The following TBC1D22A variants were observed in gnomAD, a reference collection of about 807,000 sequenced individuals.
TBC1D22A encodes putative GTPase activator.
In TBC1D22A, 38 loss-of-function variants were observed where a neutral mutation model predicts 60.2. That is an observed-to-expected ratio of 0.63 (90% confidence interval 0.49 to 0.83). The LOEUF is 0.83. TBC1D22A is among the 40% of genes least tolerant of loss of function. TBC1D22A has a pLI of 0.00. For synonymous variants in TBC1D22A, 302 were observed against 281.7 expected (o/e 1.07, Z -0.72); for missense variants, 628 against 701.0 (o/e 0.90, Z 1.18).
At chr22:47,003,744 TACAC>T (rs371399551) in intron 10 of TBC1D22A, among the ~76,000 whole-genome samples, 1 of 75,256 alleles carries the variant, frequency 1.3e-5, no homozygotes, top group Non-Finnish European at 3.0e-5. Flanking sequence ...CACATGCCTG[TACAC>T]ACACACCGTA....
intron 1 of TBC1D22A, among the ~76,000 whole-genome samples, chr22:46,776,377 C>T (rs967469420): frequency 1.4e-5 from 2 of 143,084 alleles, no homozygotes; most frequent in Non-Finnish European, 3.1e-5. Context: ...TGCGTGGAAG[C>T]AGTGGGCATA....
Position 47,028,082 on chromosome 22 carries a change from C to T in TBC1D22A, c.1202-8989C>T, listed in dbSNP as rs551613772. ...TTTTGGAGGGGTGTGCTGAGTAGCT[C>T]GTGTGCACGTCTGTGAGGTGAAAAT... On this transcript the variant is annotated intron_variant, in intron 10 of 12. Transcript: ENST00000337137. The surrounding 1 kb of genome is among the most constrained non-coding windows in gnomAD (Gnocchi z 4.4). Among the ~76,000 whole-genome samples the T allele has an allele frequency of 6.6e-5, 10 of 152,214 alleles. No individual in the cohort carries two copies. Among genetic ancestry groups the T allele is most frequent in the African/African-American group, 1.7e-4 (7 of 41,552 alleles).
intron 8 of TBC1D22A, among the ~76,000 whole-genome samples, chr22:46,965,768 G>A (rs969379353): frequency 4.6e-5 from 7 of 152,204 alleles, no homozygotes; most frequent in Non-Finnish European, 8.8e-5. Context: ...GTGGGGTTTC[G>A]TGATGGTGCA....
intron 9 of TBC1D22A, among the ~76,000 whole-genome samples, chr22:46,988,322 A>T (rs542703338): frequency 1.3e-5 from 2 of 152,230 alleles, no homozygotes; most frequent in African/African-American, 4.8e-5. Flanking sequence ...ACCTCTTCCC[A>T]TGAATCACAA....
At chr22:46,847,349 T>C (rs1018293395) in intron 4 of TBC1D22A, among the ~76,000 whole-genome samples, 4 of 152,200 alleles carry the variant, frequency 2.6e-5, no homozygotes, top group African/African-American at 9.6e-5. Flanking sequence ...AGAAGTCACC[T>C]AGCCAGTGCT....
At chr22:47,012,895 A>G (rs757755453) in intron 10 of TBC1D22A, among the ~76,000 whole-genome samples, 7 of 152,196 alleles carry the variant, frequency 4.6e-5, no homozygotes, top group African/African-American at 9.7e-5. Context: ...CTTAGCACAG[A>G]ATCATAAAAA....
At chr22:47,018,575 C>T (rs1160339205) in intron 10 of TBC1D22A, among the ~76,000 whole-genome samples, 2 of 152,118 alleles carry the variant, frequency 1.3e-5, no homozygotes. Context: ...TCATGTGAGT[C>T]AGTCACTGTT....
chr22:47,000,766 A>G (rs2061380173), intron 10 of TBC1D22A, among the ~76,000 whole-genome samples: 1 of 152,142 alleles, frequency 6.6e-6, no homozygotes, highest in Non-Finnish European at 1.5e-5. Flanking sequence ...GGCAGGCTAG[A>G]TAATTTCAAC....
At chr22:46,839,067 C>T (rs1420682444) in intron 4 of TBC1D22A, among the ~76,000 whole-genome samples, 1 of 152,116 alleles carries the variant, frequency 6.6e-6, no homozygotes. Context: ...AAATTGTGTG[C>T]AGTTCGCATG....
chr22:47,087,280 C>G (rs1201484040), intron 11 of TBC1D22A, among the ~76,000 whole-genome samples: 1 of 152,220 alleles, frequency 6.6e-6, no homozygotes, highest in Non-Finnish European at 1.5e-5. Flanking sequence ...TACAAAGGGT[C>G]AGATCTGAAG....
At chr22:46,870,894 C>T (rs2067265822) in intron 4 of TBC1D22A, among the ~76,000 whole-genome samples, 1 of 152,168 alleles carries the variant, frequency 6.6e-6, no homozygotes, top group Admixed American at 6.5e-5. Context: ...GGCCACCTCC[C>T]AACACTGTTG....
intron 2 of TBC1D22A, among the ~76,000 whole-genome samples, chr22:46,792,962 C>G (rs2084484575): frequency 6.6e-6 from 1 of 152,288 alleles, no homozygotes; most frequent in Non-Finnish European, 1.5e-5. Flanking sequence ...CCCTCCACAG[C>G]AGGCGGGAGC....
At chr22:46,783,642 G>A (rs903803146) in intron 1 of TBC1D22A, among the ~76,000 whole-genome samples, 1 of 128,772 alleles carries the variant, frequency 7.8e-6, no homozygotes, top group African/African-American at 2.7e-5. Context: ...GTATCATTTC[G>A]CATTTAAAAA....
chr22:47,040,306 G>A (rs1273854462), intron 11 of TBC1D22A, among the ~76,000 whole-genome samples: 1 of 152,116 alleles, frequency 6.6e-6, no homozygotes, highest in South Asian at 2.1e-4. Context: ...TGAGAACGGC[G>A]TGGAGAAGGG....
chr22:47,000,647 G>C (rs1365104140), intron 10 of TBC1D22A, among the ~76,000 whole-genome samples: 1 of 152,076 alleles, frequency 6.6e-6, no homozygotes, highest in East Asian at 1.9e-4. Flanking sequence ...TGTATCCTTC[G>C]GGACAGACAT....
At chr22:46,994,879 G>C (rs1167465703) in intron 9 of TBC1D22A, among the ~76,000 whole-genome samples, 3 of 152,180 alleles carry the variant, frequency 2.0e-5, no homozygotes. Flanking sequence ...GCTAACCATT[G>C]CAAGTTCAGG....
chr22:47,017,299 G>A (rs373907260), intron 10 of TBC1D22A, among the ~76,000 whole-genome samples: 1 of 152,180 alleles, frequency 6.6e-6, no homozygotes, highest in African/African-American at 2.4e-5. Context: ...GTCCATGCAG[G>A]GAGATAGGAG....
At chr22:46,873,716 C>T (rs2067400449) in intron 4 of TBC1D22A, among the ~76,000 whole-genome samples, 3 of 152,102 alleles carry the variant, frequency 2.0e-5, no homozygotes, top group African/African-American at 7.2e-5. Context: ...ATTTGGTTTC[C>T]TGTTCCCGCG....
chr22:46,898,548 T>G (rs953556973), intron 7 of TBC1D22A, among the ~76,000 whole-genome samples: 6 of 151,648 alleles, frequency 4.0e-5, no homozygotes, highest in African/African-American at 1.2e-4. Flanking sequence ...TTTTTTAACC[T>G]AAAACGACAT....
Sources: gnomAD v4.1 joint callset for allele counts (sites outside exome capture counted in the v4.1 genomes callset) on GRCh38, gnomAD v4.1.1 for gene constraint, Gnocchi (gnomAD v3.1) non-coding constraint, MANE v1.5 for transcripts, NCBI Gene and HGNC (gene_info 2026-07-23, HGNC 2026-07-21) for gene names.